ADAMTS2: variants seen among roughly 807,000 people sequenced by gnomAD.
ADAMTS2 encodes the protein A disintegrin and metalloproteinase with thrombospondin motifs 2.
A neutral mutation model predicts 123.0 loss-of-function variants in ADAMTS2; 50 were observed. The observed-to-expected ratio is 0.41, with a 90% confidence interval of 0.32 to 0.51. ADAMTS2 has a LOEUF of 0.51. ADAMTS2 is among the 20% of genes least tolerant of loss of function. The probability of loss-of-function intolerance (pLI) is 0.35; values close to 1 mark genes in which losing one functional copy is unlikely to be tolerated. For missense variants in ADAMTS2, 1,494 were observed against 1,705.2 expected (o/e 0.88, Z 2.18); for synonymous variants, 678 against 695.4 (o/e 0.98, Z 0.39).
At chr5:179,258,835 G>A (rs1298966027) in intron 3 of ADAMTS2, among the ~76,000 whole-genome samples, 1 of 152,110 alleles carries the variant, frequency 6.6e-6, no homozygotes, top group Non-Finnish European at 1.5e-5. Flanking sequence ...GATTTGGAAT[G>A]GGAATACGGT....
intron 3 of ADAMTS2, among the ~76,000 whole-genome samples, chr5:179,224,589 T>C (rs1022303682): frequency 1.3e-5 from 2 of 152,212 alleles, no homozygotes; most frequent in Non-Finnish European, 2.9e-5. Flanking sequence ...AGAAAAGCCA[T>C]GTGGGCAGGG....
chr5:179,274,608 G>T (rs546531497), intron 2 of ADAMTS2, among the ~76,000 whole-genome samples: 2 of 152,114 alleles, frequency 1.3e-5, no homozygotes, highest in African/African-American at 2.4e-5. Context: ...GCACGGTGGC[G>T]CACGGGCTGC....
At chr5:179,199,608 G>C (rs6869589) in intron 4 of ADAMTS2, among the ~76,000 whole-genome samples, 35,226 of 152,178 alleles carry the variant, frequency 0.23, 13,501 homozygotes, top group African/African-American at 0.8. Context: ...TCAGACCCCA[G>C]TGGGTGTGCC....
intron 21 of ADAMTS2, 143 bp downstream of exon 21, chr5:179,121,518 G>A (rs1201499099): frequency 1.2e-5 from 7 of 592,894 alleles, no homozygotes; most frequent in East Asian, 3.1e-5. Context: ...TCAGAGGCCC[G>A]GGAGAAAACG....
chr5:179,255,822 C>T (rs1766035709), intron 3 of ADAMTS2, among the ~76,000 whole-genome samples: 1 of 152,180 alleles, frequency 6.6e-6, no homozygotes, highest in Admixed American at 6.5e-5. Context: ...TGTCTTCATC[C>T]TCGGGGATCA....
intron 3 of ADAMTS2, among the ~76,000 whole-genome samples, chr5:179,269,183 G>A (rs1211443259): frequency 6.6e-6 from 1 of 152,172 alleles, no homozygotes; most frequent in Non-Finnish European, 1.5e-5. Context: ...AGCGGGGATG[G>A]GCCAGAAACA....
intron 13 of ADAMTS2, among the ~76,000 whole-genome samples, chr5:179,133,561 C>T (rs1382388275): frequency 2.6e-5 from 4 of 151,144 alleles, no homozygotes; most frequent in Non-Finnish European, 3.0e-5. Flanking sequence ...TGAGCCACCG[C>T]GCCCGGCCAA....
chr5:179,132,099 G>T lies in ADAMTS2; in HGVS notation c.2290+131C>A. ...TGGGCTGAGCAGAGGGACAGGTTGG[G>T]GAGGGGCTGCCCTGGCTCAGGTCAT... On this transcript the variant is annotated intron_variant, in intron 15 of 21. Transcript: ENST00000251582. This position sits in a 1 kb window ranked among gnomAD's most constrained non-coding sequence, Gnocchi z 6.1. 1.2e-6 allele frequency: 1 copy of T among 868,468 alleles called. No individual in the cohort carries two copies. The highest frequency in any genetic ancestry group is 1.9e-6 in the Non-Finnish European group (1 of 534,800). 53.8% of individuals were successfully genotyped at this position (868,468 alleles called of 1,614,324 possible).
At chr5:179,138,860 C>T (rs549962648) in intron 11 of ADAMTS2, among the ~76,000 whole-genome samples, 1 of 152,324 alleles carries the variant, frequency 6.6e-6, no homozygotes, top group Admixed American at 6.5e-5. Context: ...GAACAGGACC[C>T]AGGAGCGGCC....
Position 179,345,214 on chromosome 5 carries a change from GCCTGGCGTTCGC to G in ADAMTS2, c.103_114del (p.Ala35_Arg38del). ...CCTGGGGGGTCGGCGGCGGCGGCGA[GCCTGGCGTTCGC>G]GGGCGGCGGCGGCGGCGGCAGGAGC... On this transcript the variant is annotated inframe_deletion, in exon 1 of 22. Transcript: ENST00000251582. This position sits in a 1 kb window ranked among gnomAD's most constrained non-coding sequence, Gnocchi z 7.5. 8.8e-7 allele frequency: 1 copy of G among 1,130,234 alleles called. No individual in the cohort carries two copies. The allele number at this position is 1,130,234 out of a possible 1,614,324, so 70.0% of individuals were successfully genotyped here.
At chr5:179,319,588 GCTTA>G (rs1173257062) in intron 2 of ADAMTS2, among the ~76,000 whole-genome samples, 30 of 152,000 alleles carry the variant, frequency 2.0e-4, no homozygotes, top group African/African-American at 7.2e-4. Flanking sequence ...CTGCCTGCTT[GCTTA>G]CTTTCCCAGT....
intron 5 of ADAMTS2, among the ~76,000 whole-genome samples, chr5:179,179,673 G>A (rs1035887567): frequency 6.6e-6 from 1 of 152,126 alleles, no homozygotes. Flanking sequence ...TGGGGTACAC[G>A]AAGGCCTGCA....
At position 179,303,107 on chromosome 5, in the gene ADAMTS2, G is replaced by A. The variant is rs1012150730; in HGVS notation, c.535-30043C>T. On this transcript the variant is annotated intron_variant, in intron 2 of 21. Coordinates refer to ENST00000251582, the MANE Select transcript of ADAMTS2 (RefSeq NM_014244.5). This position sits in a 1 kb window ranked among gnomAD's most constrained non-coding sequence, Gnocchi z 4.7. The stretch of plus-strand genomic sequence containing the variant: ...TCCTCTGTGCAGTGGGCAGCCCCTG[G>A]AGGGTGGAAGAGACCTGATTCCCCT... Among the ~76,000 whole-genome samples, 11 of 152,116 alleles carry A rather than the reference G, an allele frequency of 7.2e-5. No individual in the cohort carries two copies. Among genetic ancestry groups the A allele is most frequent in the Non-Finnish European group, 1.5e-4 (10 of 68,008 alleles).
At chr5:179,121,553 G>T in intron 21 of ADAMTS2, 108 bp downstream of exon 21, 1 of 920,066 alleles carries the variant, frequency 1.1e-6, no homozygotes, top group Non-Finnish European at 1.6e-6. Context: ...CGCCCGCAGA[G>T]TCAGGGGAGC....
At position 179,115,204 on chromosome 5, in the gene ADAMTS2, C is replaced by T. The variant is rs921457979; in HGVS notation, c.3179-880G>A. 1.3e-5 allele frequency among the ~76,000 whole-genome samples: 2 copies of T among 152,154 alleles called. No homozygotes were observed. The highest frequency in any genetic ancestry group is 2.9e-5 in the Non-Finnish European group (2 of 68,034). Reference sequence around the variant, plus strand: ...CCATTATCTCTCACTTTCCACCCAGCCATCTTCTCCCTGGCCCATCTCGAC... The same window carrying T: ...CCATTATCTCTCACTTTCCACCCAGTCATCTTCTCCCTGGCCCATCTCGAC... On this transcript the variant is annotated intron_variant, in intron 21 of 21. Coordinates refer to ENST00000251582, the MANE Select transcript of ADAMTS2 (RefSeq NM_014244.5). This position sits in a 1 kb window ranked among gnomAD's most constrained non-coding sequence, Gnocchi z 4.4.
intron 2 of ADAMTS2, among the ~76,000 whole-genome samples, chr5:179,281,721 C>T (rs1766916795): frequency 6.6e-6 from 1 of 152,180 alleles, no homozygotes; most frequent in Admixed American, 6.5e-5. Flanking sequence ...CATACAGTAA[C>T]TGTGCCAGAC....
At chr5:179,211,997 G>GT (rs1358079395) in intron 3 of ADAMTS2, among the ~76,000 whole-genome samples, 2 of 152,252 alleles carry the variant, frequency 1.3e-5, no homozygotes, top group African/African-American at 4.8e-5. Flanking sequence ...GAGAGGAGGA[G>GT]TGGGCACGCG....
intron 4 of ADAMTS2, among the ~76,000 whole-genome samples, chr5:179,182,506 G>C (rs912455847): frequency 6.6e-6 from 1 of 152,160 alleles, no homozygotes; most frequent in Non-Finnish European, 1.5e-5. Context: ...TTCACAAGGA[G>C]AATGACATCA....
rs567951590 is a variant in ADAMTS2, at chr5:179,122,592, G to A, written c.3088+52C>T. Reference sequence around the variant, plus strand: ...CCTGAACCAAGCCTCTGACACCCCCGCCCTGGGCTGCTGCATGCTGGGAGC... The same window carrying A: ...CCTGAACCAAGCCTCTGACACCCCCACCCTGGGCTGCTGCATGCTGGGAGC... On this transcript the variant is annotated intron_variant, in intron 20 of 21. Transcript: ENST00000251582. 1.6e-5 allele frequency: 24 copies of A among 1,543,582 alleles called. No individual in the cohort carries two copies. The Admixed American group carries it at 1.6e-4, about 10-fold the overall frequency.
Sources: gnomAD v4.1 joint callset for allele counts (sites outside exome capture counted in the v4.1 genomes callset) on GRCh38, gnomAD v4.1.1 for gene constraint, Gnocchi (gnomAD v3.1) non-coding constraint, MANE v1.5 for transcripts, NCBI Gene and HGNC (gene_info 2026-07-23, HGNC 2026-07-21) for gene names.